The following LRRC4C variants were observed in gnomAD, a reference collection of about 807,000 sequenced individuals.
LRRC4C encodes the protein leucine rich repeat containing 4C.
In LRRC4C, 5 loss-of-function variants were observed where a neutral mutation model predicts 33.6. The observed-to-expected ratio is 0.15, with a 90% CI of 0.08 to 0.31. The LOEUF (loss-of-function observed/expected upper bound fraction) is 0.31. LRRC4C is among the 10% of genes least tolerant of loss of function. The pLI is 1.00. For synonymous variants in LRRC4C, 329 were observed against 302.0 expected (o/e 1.09, Z -0.93); for missense variants, 560 against 796.7 (o/e 0.70, Z 3.58).
intron 3 of LRRC4C, among the ~76,000 whole-genome samples, chr11:40,387,808 T>C (rs1190363906): frequency 6.6e-6 from 1 of 152,224 alleles, no homozygotes; most frequent in East Asian, 1.9e-4. Flanking sequence ...TTGCATTTGT[T>C]GTCCTCTTTG....
At chr11:40,699,312 CA>C (rs1945744668) in intron 2 of LRRC4C, among the ~76,000 whole-genome samples, 1 of 152,188 alleles carries the variant, frequency 6.6e-6, no homozygotes, top group Admixed American at 6.5e-5. Context: ...ACGTCTGGTA[CA>C]CGCCAAATGG....
At chr11:40,852,493 G>T (rs189321622) in intron 2 of LRRC4C, among the ~76,000 whole-genome samples, 38 of 152,200 alleles carry the variant, frequency 2.5e-4, no homozygotes, top group Non-Finnish European at 2.1e-4. Context: ...TTAGTAATGT[G>T]ACTGTCATAA....
chr11:41,436,956 C>G (rs978964317), intron 1 of LRRC4C, among the ~76,000 whole-genome samples: 1 of 152,172 alleles, frequency 6.6e-6, no homozygotes, highest in Non-Finnish European at 1.5e-5. Flanking sequence ...TGATAAATCT[C>G]AAACTCTGAT....
chr11:41,220,127 G>GT (rs942837936), intron 1 of LRRC4C, among the ~76,000 whole-genome samples: 3 of 152,132 alleles, frequency 2.0e-5, no homozygotes, highest in Admixed American at 6.6e-5. Flanking sequence ...GGAAGGTGAG[G>GT]TTTTTTATGC....
chr11:40,513,867 A>G (rs956098672), intron 3 of LRRC4C, among the ~76,000 whole-genome samples: 2 of 152,132 alleles, frequency 1.3e-5, no homozygotes, highest in African/African-American at 4.8e-5. Context: ...TCTGGATTCA[A>G]AACAACTCAC....
At chr11:40,202,890 T>C (rs2135743536) in intron 5 of LRRC4C, among the ~76,000 whole-genome samples, 1 of 152,362 alleles carries the variant, frequency 6.6e-6, no homozygotes, top group South Asian at 2.1e-4. Context: ...AGGGCTCAGC[T>C]GCCTCTCCAA....
chr11:40,747,791 A>T (rs926180114), intron 2 of LRRC4C, among the ~76,000 whole-genome samples: 1 of 152,188 alleles, frequency 6.6e-6, no homozygotes, highest in Non-Finnish European at 1.5e-5. Flanking sequence ...CAAAGCTTCA[A>T]CAATAAACTG....
chr11:41,051,545 A>AAAAAAAAAAAAAAG (rs1858220354), intron 1 of LRRC4C, among the ~76,000 whole-genome samples: 1 of 140,066 alleles, frequency 7.1e-6, no homozygotes, highest in Non-Finnish European at 1.5e-5. Context: ...AAAAAAAAAA[A>AAAAAAAAAAAAAAG]AAAAAAAAGG....
intron 1 of LRRC4C, among the ~76,000 whole-genome samples, chr11:41,372,099 T>C (rs984231443): frequency 2.0e-5 from 3 of 152,196 alleles, no homozygotes; most frequent in African/African-American, 7.2e-5. Flanking sequence ...ATCGTGCCAC[T>C]GCACTCCAGC....
chr11:40,936,859 A>T, intron 1 of LRRC4C, among the ~76,000 whole-genome samples: 1 of 152,166 alleles, frequency 6.6e-6, no homozygotes, highest in East Asian at 1.9e-4. Flanking sequence ...TAACACAAAA[A>T]CAAGTTCTAA....
chr11:40,626,497 T>G (rs1326219893), intron 3 of LRRC4C, among the ~76,000 whole-genome samples: 1 of 152,164 alleles, frequency 6.6e-6, no homozygotes, highest in Non-Finnish European at 1.5e-5. Context: ...TAGCACAGAC[T>G]TTCAATAAAC....
chr11:40,183,688 A>G (rs1181256123), intron 5 of LRRC4C, among the ~76,000 whole-genome samples: 1 of 152,230 alleles, frequency 6.6e-6, no homozygotes, highest in Non-Finnish European at 1.5e-5. Context: ...TTGAGCTAAC[A>G]AGAGGAAAAA....
At chr11:41,202,694 T>C (rs1037815899) in intron 1 of LRRC4C, among the ~76,000 whole-genome samples, 3 of 152,156 alleles carry the variant, frequency 2.0e-5, no homozygotes, top group Middle Eastern at 3.4e-3. Context: ...ATATTAAGGA[T>C]TTTGAAGTGC....
intron 1 of LRRC4C, among the ~76,000 whole-genome samples, chr11:41,242,592 T>C (rs1269462242): frequency 6.6e-6 from 1 of 152,162 alleles, no homozygotes; most frequent in Non-Finnish European, 1.5e-5. Flanking sequence ...GAGTTATAAA[T>C]TATTAAGCAT....
chr11:40,853,273 T>A (rs1302773558), intron 2 of LRRC4C, among the ~76,000 whole-genome samples: 1 of 151,944 alleles, frequency 6.6e-6, no homozygotes, highest in East Asian at 1.9e-4. Context: ...AATTAATATT[T>A]TAAAGTATCA....
At chr11:40,513,021 G>A (rs1007846853) in intron 3 of LRRC4C, among the ~76,000 whole-genome samples, 13 of 151,630 alleles carry the variant, frequency 8.6e-5, no homozygotes, top group South Asian at 2.1e-4. Flanking sequence ...AGGCCGAGGC[G>A]GGCAGATCAC....
intron 1 of LRRC4C, among the ~76,000 whole-genome samples, chr11:41,313,893 T>G (rs1950710415): frequency 6.6e-6 from 1 of 152,184 alleles, no homozygotes; most frequent in South Asian, 2.1e-4. Flanking sequence ...AATCCCATTA[T>G]TAGCCAAAAA....
At chr11:40,899,037 T>C (rs890188352) in intron 2 of LRRC4C, among the ~76,000 whole-genome samples, 17 of 152,130 alleles carry the variant, frequency 1.1e-4, no homozygotes, top group Non-Finnish European at 1.5e-5. Context: ...GTTTACTGTA[T>C]TTAATCACAT....
At chr11:40,926,850 C>A (rs1375988615) in intron 2 of LRRC4C, among the ~76,000 whole-genome samples, 2 of 151,926 alleles carry the variant, frequency 1.3e-5, no homozygotes, top group Non-Finnish European at 2.9e-5. Flanking sequence ...TGAATAAAAA[C>A]TTCAGATATA....
Sources: gnomAD v4.1 joint callset for allele counts (sites outside exome capture counted in the v4.1 genomes callset) on GRCh38, gnomAD v4.1.1 for gene constraint, MANE v1.5 for transcripts, NCBI Gene and HGNC (gene_info 2026-07-23, HGNC 2026-07-21) for gene names.